The following CCZ1 variants were observed in gnomAD, a reference collection of about 807,000 sequenced individuals.
The protein encoded by CCZ1 is CCZ1 vacuolar protein trafficking and biogenesis associated, also known as vacuolar fusion protein CCZ1 homolog.
A neutral mutation model predicts 57.8 loss-of-function variants in CCZ1; 19 were observed. The observed-to-expected ratio is 0.33, with a 90% CI of 0.23 to 0.48. CCZ1 has a LOEUF of 0.48. Among genes scored for constraint, CCZ1 ranks in the 20% least tolerant of loss-of-function variants. The pLI, the probability that CCZ1 is intolerant of heterozygous loss-of-function variation, is 0.99. For missense variants in CCZ1, 200 were observed against 492.0 expected (o/e 0.41, Z 5.61); for synonymous variants, 81 against 167.0 (o/e 0.49, Z 3.97).
intron 1 of CCZ1, among the ~76,000 whole-genome samples, chr7:5,899,372 TGTGTGTGTGTGGTTTTTCTGAG>T (rs1781630003): frequency 7.8e-6 from 1 of 128,998 alleles, no homozygotes; most frequent in Non-Finnish European, 1.7e-5. Flanking sequence ...TGTGTGTGTG[TGTGTGTGTGTGGTTTTTCTGAG>T]GTGGGGACGG....
chr7:5,906,326 T>TC lies in CCZ1; in HGVS notation c.698+1057_698+1058insC, dbSNP rs199811541. On this transcript the variant is annotated intron_variant, in intron 7 of 14. Transcript: ENST00000325974. The stretch of plus-strand genomic sequence containing the variant: ...CTAGAGCCCACTTTCTTTCTTTCTT[T>TC]TTTTTTTTTTTTTTTGAGACGGAGT... 2.2e-3 allele frequency among the ~76,000 whole-genome samples: 185 copies of TC among 84,484 alleles called. 4 individuals are homozygous for TC. Among genetic ancestry groups the TC allele is most frequent in the Middle Eastern group, 6.0e-3 (1 of 168 alleles). 55.4% of individuals were successfully genotyped at this position (84,484 alleles called of 152,430 possible). A position where few individuals can be genotyped will look rare whatever the true frequency, so the allele number is the denominator to read the frequency against.
chr7:5,906,158 G>A lies in CCZ1; in HGVS notation c.698+889G>A, dbSNP rs1350634322. ...GTTTGTGTCCTGCAGTAGGAACAAC[G>A]TGGGCACAAGACTGCCCAGCATATG... On this transcript the variant is annotated intron_variant, in intron 7 of 14. Transcript: ENST00000325974. 9.5e-5 allele frequency among the ~76,000 whole-genome samples: 14 copies of A among 147,596 alleles called. 1 individual carries two copies. Among genetic ancestry groups the A allele is most frequent in the African/African-American group, 2.5e-4 (10 of 39,812 alleles).
At chr7:5,902,808 G>C in intron 6 of CCZ1, 64 bp downstream of exon 6, 1 of 1,551,928 alleles carries the variant, frequency 6.4e-7, no homozygotes, top group Non-Finnish European at 8.6e-7. Context: ...GAGAAATATA[G>C]ACAGACAAGT....
chr7:5,907,048 A>AT (rs1030823506), intron 7 of CCZ1, among the ~76,000 whole-genome samples: 1 of 148,716 alleles, frequency 6.7e-6, no homozygotes, highest in African/African-American at 2.5e-5. Context: ...TTTTGTAGAG[A>AT]TGGGGTTTTA....
rs753357111 is a variant in CCZ1, at chr7:5,902,748, A to G, written c.522+4A>G. ...ATTAGAGAAATTCTTCCATCGGGTAAGTATTTTGAATTTCATTTATAACTT... is the reference window on the plus strand; with the variant it reads ...ATTAGAGAAATTCTTCCATCGGGTAGGTATTTTGAATTTCATTTATAACTT... On this transcript the variant is annotated splice_donor_region_variant and intron_variant, in intron 6 of 14. Coordinates refer to ENST00000325974, the MANE Select transcript of CCZ1 (RefSeq NM_015622.6). 3 of 1,591,080 alleles carry G rather than the reference A, an allele frequency of 1.9e-6. No homozygotes were observed. Among genetic ancestry groups the G allele is most frequent in the African/African-American group, 1.4e-5 (1 of 73,078 alleles).
At chr7:5,910,798 C>T (rs1472769631) in intron 8 of CCZ1, among the ~76,000 whole-genome samples, 7 of 147,342 alleles carry the variant, frequency 4.8e-5, no homozygotes, top group East Asian at 4.4e-4. Flanking sequence ...TGCAGTAGTG[C>T]AATCTCAGCT....
intron 6 of CCZ1, among the ~76,000 whole-genome samples, chr7:5,904,108 T>G (rs1781748211): frequency 7.5e-6 from 1 of 132,634 alleles, no homozygotes; most frequent in Non-Finnish European, 1.6e-5. Flanking sequence ...TTTTTTTTTT[T>G]TGAGACAGAA....
intron 1 of CCZ1, among the ~76,000 whole-genome samples, chr7:5,899,768 AAAAG>A (rs1236777000): frequency 6.6e-6 from 1 of 151,882 alleles, no homozygotes; most frequent in African/African-American, 2.4e-5. Flanking sequence ...CATCTCCAGA[AAAAG>A]AAAAAAAAGC....
chr7:5,909,654 G>A (rs796488971), intron 7 of CCZ1, among the ~76,000 whole-genome samples: 24 of 146,758 alleles, frequency 1.6e-4, no homozygotes, highest in African/African-American at 5.9e-4. Flanking sequence ...AGCCATGATC[G>A]CACCACTGCT....
At chr7:5,912,163 G>A (rs1779052561) in intron 9 of CCZ1, among the ~76,000 whole-genome samples, 2 of 145,294 alleles carry the variant, frequency 1.4e-5, no homozygotes, top group South Asian at 4.6e-4. Context: ...TCATCATGTT[G>A]GCCAGGCTGG....
At chr7:5,906,080 A>G (rs1323592028) in intron 7 of CCZ1, among the ~76,000 whole-genome samples, 2 of 146,256 alleles carry the variant, frequency 1.4e-5, no homozygotes, top group African/African-American at 5.1e-5. Context: ...TTTTAATCCA[A>G]GAAATCCAAA....
At chr7:5,907,432 G>A (rs918628530) in intron 7 of CCZ1, among the ~76,000 whole-genome samples, 1 of 148,920 alleles carries the variant, frequency 6.7e-6, no homozygotes, top group African/African-American at 2.5e-5. Context: ...CAGCAGTAGT[G>A]GCCCATGGCC....
rs767833542 is a variant in CCZ1 at position 5,902,721 on chromosome 7, A to G, written c.499A>G (p.Arg167Gly). 6.3e-7 allele frequency: 1 copy of G among 1,593,680 alleles called. No individual in the cohort carries two copies. Among genetic ancestry groups the G allele is most frequent in the African/African-American group, 1.4e-5 (1 of 73,196 alleles). ...CGGAGGCGTCAAGCTTCTGAAAGAAAGATTAGAGAAATTCTTCCATCGGGT... is the reference window on the plus strand; with the variant it reads ...CGGAGGCGTCAAGCTTCTGAAAGAAGGATTAGAGAAATTCTTCCATCGGGT... ...EDGGVKLLKE[R>G]LEKFFHRYLQ... The change falls in exon 6 of 15, where the codon AGA (arginine) becomes GGA (glycine). Residue 167 changes from arginine (R) to glycine (G), a missense_variant. Coordinates refer to ENST00000325974, the MANE Select transcript of CCZ1 (RefSeq NM_015622.6).
intron 7 of CCZ1, among the ~76,000 whole-genome samples, chr7:5,909,590 T>C (rs1018251865): frequency 6.8e-6 from 1 of 147,472 alleles, no homozygotes; most frequent in Admixed American, 6.9e-5. Flanking sequence ...TCCCAGCTAG[T>C]CTGGAGGCTG....
chr7:5,920,614 G>A lies in CCZ1; in HGVS notation c.1106+648G>A, dbSNP rs1779221164. ...ATCCTCTTGAGTAGCTGGGATTACA[G>A]GCGTGCACCACCATGCCCGGCTCCT... On this transcript the variant is annotated intron_variant, in intron 12 of 14. Transcript: ENST00000325974. Among the ~76,000 whole-genome samples, 3 of 136,080 alleles carry A rather than the reference G, an allele frequency of 2.2e-5. No homozygotes were observed. In the South Asian group the frequency reaches 6.5e-4, roughly 29 times the overall value. 89.3% of individuals were successfully genotyped at this position (136,080 alleles called of 152,430 possible). A position where few individuals can be genotyped will look rare whatever the true frequency, so the allele number is the denominator to read the frequency against.
At chr7:5,900,704 C>G (rs1488334220) in intron 3 of CCZ1, 138 bp downstream of exon 3, 31 of 1,442,994 alleles carry the variant, frequency 2.1e-5, no homozygotes, top group Non-Finnish European at 2.8e-5. Flanking sequence ...ATTTTAAAAT[C>G]AAGTTCTTCC....
intron 8 of CCZ1, 123 bp downstream of exon 8, chr7:5,910,239 A>T (rs1781938606): frequency 1.1e-6 from 1 of 889,544 alleles, no homozygotes; most frequent in Non-Finnish European, 1.7e-6. Flanking sequence ...TCTTACTGTG[A>T]TATTTGTGTC....
At chr7:5,920,209 C>CT (rs372062351) in intron 12 of CCZ1, among the ~76,000 whole-genome samples, 3,587 of 118,736 alleles carry the variant, frequency 0.03, 16 homozygotes, top group African/African-American at 0.061. Flanking sequence ...CAGCTCCCCC[C>CT]GAATGGAACG....
At chr7:5,924,502 G>A (rs1490411724) in intron 14 of CCZ1, among the ~76,000 whole-genome samples, 1 of 99,446 alleles carries the variant, frequency 1.0e-5, no homozygotes, top group Admixed American at 1.0e-4. Flanking sequence ...CCAAAGAGCT[G>A]GGATTACAGG....
Sources: gnomAD v4.1 joint callset for allele counts (sites outside exome capture counted in the v4.1 genomes callset) on GRCh38, gnomAD v4.1.1 for gene constraint, MANE v1.5 for transcripts, NCBI Gene and HGNC (gene_info 2026-07-23, HGNC 2026-07-21) for gene names.